Variants in C16orf95 observed in about 807,000 individuals in gnomAD.
The protein encoded by C16orf95 is chromosome 16 open reading frame 95.
In C16orf95, 41 loss-of-function variants were observed where a neutral mutation model predicts 32.1. The observed-to-expected ratio is 1.28, with a 90% CI of 1.00 to 1.66. The LOEUF is 1.66. Among genes scored for constraint, C16orf95 ranks in the 40% most tolerant of loss-of-function variants. The pLI is 0.00. For missense variants in C16orf95, 399 were observed against 325.9 expected, an observed-to-expected ratio of 1.22 and a Z score of -1.73; for synonymous variants, 147 against 128.9, an observed-to-expected ratio of 1.14 and a Z score of -0.95.
In C16orf95 at chr16:87,310,314, C is replaced by T. The variant is rs1386954165; in HGVS notation, c.497G>A (p.Ser166Asn). 1.6e-5 allele frequency: 25 copies of T among 1,536,022 alleles called. No homozygotes were observed. Among genetic ancestry groups the T allele is most frequent in the Non-Finnish European group, 2.2e-5 (25 of 1,146,918 alleles). Reference sequence around the variant, plus strand: ...GGAGTTACCTTGGATGCCTTTCAAACTCTGCTGCCTCCTGACTATCTAAAA... The same window carrying T: ...GGAGTTACCTTGGATGCCTTTCAAATTCTGCTGCCTCCTGACTATCTAAAA... ...SQQQIVRRQQ[S>N]LKGIQAPLLD... The change falls in exon 5 of 7, where the codon AGT (serine) becomes AAT (asparagine). Residue 166 changes from serine (S) to asparagine (N), a missense_variant. By Grantham distance (46) the Ser-to-Asn change is conservative (BLOSUM62 1). Coordinates refer to ENST00000567970, the MANE Select transcript of C16orf95 (RefSeq NM_001195124.3).
Position 87,302,939 on chromosome 16 carries a change from G to A in C16orf95, c.*118C>T, listed in dbSNP as rs1240864649. On this transcript the variant is annotated 3_prime_UTR_variant, in exon 7 of 7. Coordinates refer to ENST00000567970, the MANE Select transcript of C16orf95 (RefSeq NM_001195124.3). ...TCATTTGGGTTGAATCCTGGGTGTG[G>A]ATTCTGTTCTGAGAAGACAGCGACT... 6 of 1,062,554 alleles carry A rather than the reference G, an allele frequency of 5.6e-6. No homozygotes were observed. The highest frequency in any genetic ancestry group is 8.4e-6 in the Non-Finnish European group (6 of 716,214). 65.8% of individuals were successfully genotyped at this position (1,062,554 alleles called of 1,614,324 possible).
At position 87,305,878 on chromosome 16, in the gene C16orf95, T is replaced by C; in HGVS notation, c.542A>G (p.His181Arg). 1 of 1,440,568 alleles carries C rather than the reference T, an allele frequency of 6.9e-7. No individual in the cohort carries two copies. The highest frequency in any genetic ancestry group is 1.5e-5 in the African/African-American group (1 of 68,362). 89.2% of individuals were successfully genotyped at this position (1,440,568 alleles called of 1,614,324 possible). A position where few individuals can be genotyped will look rare whatever the true frequency, so the allele number is the denominator to read the frequency against. The change falls in exon 6 of 7, where the codon CAC becomes CGC. Residue 181 changes from histidine (H) to arginine (R), a missense_variant. His to Arg is a conservative substitution (Grantham distance 29). Coordinates refer to ENST00000567970, the MANE Select transcript of C16orf95 (RefSeq NM_001195124.3). The surrounding 1 kb of genome is among the most constrained non-coding windows in gnomAD (Gnocchi z 4.2). ...ATCACCGCAGATCCGCCAGCAGTTG[T>C]GCCAGCAGCATGCATCCAGCAGGGG... ...QAPLLDACCW[H>R]NCWRICGDEC...
intron 5 of C16orf95, among the ~76,000 whole-genome samples, chr16:87,309,768 C>G (rs2150651053): frequency 6.6e-6 from 1 of 152,220 alleles, no homozygotes; most frequent in Non-Finnish European, 1.5e-5. Context: ...TGAGTATATA[C>G]TATGTCTATC....
At chr16:87,303,424 A>C (rs2150644326) in intron 6 of C16orf95, 2 of 241,502 alleles carry the variant, frequency 8.3e-6, no homozygotes, top group South Asian at 9.4e-5. Context: ...TTCTAAGCCC[A>C]CCCTCTCCCC....
At chr16:87,303,247 A>G in intron 6 of C16orf95, 172 bp from the exon 7 acceptor site, 1 of 627,690 alleles carries the variant, frequency 1.6e-6, no homozygotes, top group Non-Finnish European at 2.8e-6. Context: ...GGTGGGGTGC[A>G]GTCCTGGCCA....
rs1233856182 is a variant in C16orf95 at position 87,311,361 on chromosome 16, C to A, written c.331-65G>T. 2.1e-6 allele frequency: 3 copies of A among 1,433,302 alleles called. No individual in the cohort carries two copies. The East Asian group carries it at 7.6e-5, about 36-fold the overall frequency. 88.8% of individuals were successfully genotyped at this position (1,433,302 alleles called of 1,614,324 possible). On this transcript the variant is annotated intron_variant, in intron 3 of 6. Transcript: ENST00000567970. ...GGAGCCATGCCTGTCCCCAATGACT[C>A]CCTGATGGAGCCATCCCCCAGAAGA...
At chr16:87,304,804 C>T (rs1226594319) in intron 6 of C16orf95, among the ~76,000 whole-genome samples, 1 of 152,246 alleles carries the variant, frequency 6.6e-6, no homozygotes, top group Non-Finnish European at 1.5e-5. Context: ...TGACCAAGAC[C>T]GGGCTAAGCT....
chr16:87,308,445 C>G (rs1032801363), intron 5 of C16orf95, among the ~76,000 whole-genome samples: 1 of 151,962 alleles, frequency 6.6e-6, no homozygotes, highest in Non-Finnish European at 1.5e-5. Context: ...TGCGCCACTG[C>G]AAGCCTGGGT....
chr16:87,315,140 T>C, intron 2 of C16orf95, 44 bp from the exon 3 acceptor site: 1 of 1,528,894 alleles, frequency 6.5e-7, no homozygotes, highest in Non-Finnish European at 8.8e-7. Context: ...TGATGCTGCA[T>C]TTGCAGGGAG....
At chr16:87,309,978 T>C (rs764929856) in intron 5 of C16orf95, among the ~76,000 whole-genome samples, 18 of 152,178 alleles carry the variant, frequency 1.2e-4, no homozygotes, top group Non-Finnish European at 2.1e-4. Context: ...ATGTCATAAA[T>C]TATAGAAGAT....
At chr16:87,315,239 G>C (rs1231382799) in intron 2 of C16orf95, 143 bp from the exon 3 acceptor site, 2 of 886,686 alleles carry the variant, frequency 2.3e-6, no homozygotes, top group Non-Finnish European at 3.3e-6. Context: ...CTTGGAAAGA[G>C]GCAGGCTACC....
At chr16:87,309,621 C>A (rs1304142564) in intron 5 of C16orf95, among the ~76,000 whole-genome samples, 1 of 152,008 alleles carries the variant, frequency 6.6e-6, no homozygotes, top group Non-Finnish European at 1.5e-5. Flanking sequence ...TAAGCTCGGG[C>A]ATTCCAGCCT....
At chr16:87,309,364 T>A (rs948350005) in intron 5 of C16orf95, among the ~76,000 whole-genome samples, 3 of 142,840 alleles carry the variant, frequency 2.1e-5, no homozygotes, top group African/African-American at 7.9e-5. Flanking sequence ...TTTCTTTTTC[T>A]TTCTTTTCTT....
At chr16:87,303,704 G>A (rs139693885) in intron 6 of C16orf95, 1 of 153,322 alleles carries the variant, frequency 6.5e-6, no homozygotes, top group East Asian at 1.9e-4. Flanking sequence ...ACAAGCTGTT[G>A]ATAAGGACAG....
At chr16:87,314,491 T>C (rs1386582496) in intron 3 of C16orf95, among the ~76,000 whole-genome samples, 1 of 152,170 alleles carries the variant, frequency 6.6e-6, no homozygotes, top group Non-Finnish European at 1.5e-5. Context: ...AGGTCAGTGG[T>C]TGCCTGGGGA....
rs1910977207 is a variant in C16orf95, at chr16:87,305,511, A to ACGAGGCCCCCGCC, written c.701+207_701+208insGGCGGGGGCCTCG. Among the ~76,000 whole-genome samples, 1 of 124,824 alleles carries ACGAGGCCCCCGCC rather than the reference A, an allele frequency of 8.0e-6. No homozygotes were observed. The highest frequency in any genetic ancestry group is 1.8e-5 in the Non-Finnish European group (1 of 54,198). The allele number at this position is 124,824 out of a possible 152,430, so 81.9% of individuals were successfully genotyped here. A position where few individuals can be genotyped will look rare whatever the true frequency, so the allele number is the denominator to read the frequency against. On this transcript the variant is annotated intron_variant, in intron 6 of 6. Transcript: ENST00000567970. This position sits in a 1 kb window ranked among gnomAD's most constrained non-coding sequence, Gnocchi z 4.2. ...GCCCCACGAGGCCCCCGCCGCCCCC[A>ACGAGGCCCCCGCC]GGCTGCCCTGGCATCTCTAGGTGAC...
rs910950765 is a variant in C16orf95, at chr16:87,305,494, A to G, written c.701+225T>C. Among the ~76,000 whole-genome samples the G allele has an allele frequency of 2.0e-5, 3 of 151,948 alleles. No homozygotes were observed. The highest frequency in any genetic ancestry group is 6.5e-5 in the Admixed American group (1 of 15,274). ...AGGGAAGGGGTGGAAGTGCCCCACG[A>G]GGCCCCCGCCGCCCCCAGGCTGCCC... On this transcript the variant is annotated intron_variant, in intron 6 of 6. Coordinates refer to ENST00000567970, the MANE Select transcript of C16orf95 (RefSeq NM_001195124.3). This position sits in a 1 kb window ranked among gnomAD's most constrained non-coding sequence, Gnocchi z 4.2.
chr16:87,315,736 G>T lies in C16orf95; in HGVS notation c.204+36C>A, dbSNP rs761566794. ...TCCTCACCCCACAGGGATATGTTGG[G>T]GTCAGGGCCAGTGGCTGAGGATTTG... On this transcript the variant is annotated intron_variant, in intron 2 of 6. Transcript: ENST00000567970. 69 of 1,493,168 alleles carry T rather than the reference G, an allele frequency of 4.6e-5. No homozygotes were observed. In the African/African-American group the frequency reaches 8.1e-4, roughly 18 times the overall value. The allele number at this position is 1,493,168 out of a possible 1,614,324, so 92.5% of individuals were successfully genotyped here. A position where few individuals can be genotyped will look rare whatever the true frequency, so the allele number is the denominator to read the frequency against.
intron 4 of C16orf95, 97 bp downstream of exon 4, chr16:87,311,053 C>T: frequency 1.7e-6 from 2 of 1,202,682 alleles, no homozygotes; most frequent in African/African-American, 1.5e-5. Context: ...GGGAGCAGAG[C>T]CCAGGTACCC....
Sources: gnomAD v4.1 joint callset for allele counts (sites outside exome capture counted in the v4.1 genomes callset) on GRCh38, gnomAD v4.1.1 for gene constraint, Gnocchi (gnomAD v3.1) non-coding constraint, MANE v1.5 for transcripts, NCBI Gene and HGNC (gene_info 2026-07-23, HGNC 2026-07-21) for gene names.